STK39: variants seen among roughly 807,000 people sequenced by gnomAD.
STK39 encodes serine/threonine kinase 39.
A neutral mutation model predicts 77.8 loss-of-function variants in STK39; 20 were observed. The ratio of observed to expected loss-of-function variants is 0.26; its 90% CI spans 0.18 to 0.37. The LOEUF (loss-of-function observed/expected upper bound fraction) is 0.37, where lower values mean the gene tolerates loss of function less well. Ranked by LOEUF, STK39 falls within the 10% of genes least tolerant of loss-of-function variation. STK39 has a pLI of 1.00. For synonymous variants in STK39, 246 were observed against 234.1 expected (o/e 1.05, Z -0.47); for missense variants, 479 against 656.5 (o/e 0.73, Z 2.95).
At chr2:168,079,208 AC>A (rs1221021902) in intron 10 of STK39, among the ~76,000 whole-genome samples, 1 of 150,448 alleles carries the variant, frequency 6.6e-6, no homozygotes, top group Non-Finnish European at 1.5e-5. Flanking sequence ...TCTGACCACC[AC>A]CTCTCTCGGC....
At chr2:168,245,288 C>A (rs570372900) in intron 1 of STK39, among the ~76,000 whole-genome samples, 1 of 152,220 alleles carries the variant, frequency 6.6e-6, no homozygotes, top group Non-Finnish European at 1.5e-5. Flanking sequence ...CTCCCTCCTT[C>A]GGGCTCTCCC....
rs112483070 is a variant in STK39, at chr2:167,979,057, C to T, written c.1499-14331G>A. ...AGTAGTATTCCATTGTATGCTATAC[C>T]GGTTTGTTTACATATTCACCTCTTG... On this transcript the variant is annotated intron_variant, in intron 16 of 17. Transcript: ENST00000355999. 3.9e-3 allele frequency among the ~76,000 whole-genome samples: 593 copies of T among 151,980 alleles called. 4 individuals carry two copies. Among genetic ancestry groups the T allele is most frequent in the Middle Eastern group, 6.8e-3 (2 of 294 alleles).
intron 1 of STK39, among the ~76,000 whole-genome samples, chr2:168,215,220 C>T (rs76685595): frequency 0.04 from 6,082 of 152,268 alleles, 252 homozygotes; most frequent in East Asian, 0.2. Flanking sequence ...CCACAAACCA[C>T]TGGCATTACC....
chr2:168,188,191 T>C (rs544826400), intron 1 of STK39, among the ~76,000 whole-genome samples: 6 of 152,314 alleles, frequency 3.9e-5, no homozygotes, highest in African/African-American at 1.4e-4. Flanking sequence ...GCTCTATTTA[T>C]ATCATGTGTC....
At chr2:168,012,066 T>A (rs1684284484) in intron 16 of STK39, among the ~76,000 whole-genome samples, 1 of 152,176 alleles carries the variant, frequency 6.6e-6, no homozygotes, top group Non-Finnish European at 1.5e-5. Context: ...ATCATGGACT[T>A]TTGGGTCTTC....
chr2:168,083,554 T>C lies in STK39; in HGVS notation c.1090-8323A>G, dbSNP rs115385940. 1.1e-3 allele frequency among the ~76,000 whole-genome samples: 165 copies of C among 151,956 alleles called. 1 individual carries two copies. The highest frequency in any genetic ancestry group is 3.8e-3 in the African/African-American group (159 of 41,430). On this transcript the variant is annotated intron_variant, in intron 10 of 17. Transcript: ENST00000355999. ...TTTTTTTTAAAAGACATAAATACTATAAAAAAGATACAAATCATGGGAATC... is the reference window on the plus strand; with the variant it reads ...TTTTTTTTAAAAGACATAAATACTACAAAAAAGATACAAATCATGGGAATC...
At chr2:168,183,569 T>C (rs1689137056) in intron 1 of STK39, among the ~76,000 whole-genome samples, 1 of 152,210 alleles carries the variant, frequency 6.6e-6, no homozygotes, top group Non-Finnish European at 1.5e-5. Context: ...TCCTCACTTG[T>C]TTTGGCCTTG....
chr2:168,019,847 G>A (rs966719093), intron 14 of STK39, among the ~76,000 whole-genome samples: 1 of 152,134 alleles, frequency 6.6e-6, no homozygotes, highest in Non-Finnish European at 1.5e-5. Flanking sequence ...GAGACTACAG[G>A]AGTGTGCTAC....
intron 16 of STK39, among the ~76,000 whole-genome samples, chr2:167,982,765 C>G (rs892091356): frequency 1.3e-5 from 2 of 152,134 alleles, no homozygotes; most frequent in Admixed American, 1.3e-4. Flanking sequence ...AGCACTTTTT[C>G]AGAAGCTGCT....
rs376212042 is a variant in STK39, at chr2:168,237,197, C to A, written c.208+10031G>T. 6.8e-4 allele frequency among the ~76,000 whole-genome samples: 104 copies of A among 152,284 alleles called. 1 individual carries two copies. The South Asian group carries it at 0.02, about 30-fold the overall frequency. On this transcript the variant is annotated intron_variant, in intron 1 of 17. Coordinates refer to ENST00000355999, the MANE Select transcript of STK39 (RefSeq NM_013233.3). The stretch of plus-strand genomic sequence containing the variant: ...GCTGGATTCCTAGGTATTTTATTCT[C>A]TTTGAAGCAATTGTGGATGGAGTTC...
chr2:168,228,737 C>T (rs553189214), intron 1 of STK39, among the ~76,000 whole-genome samples: 2 of 152,114 alleles, frequency 1.3e-5, no homozygotes, highest in East Asian at 1.9e-4. Context: ...TGCAGTGAGC[C>T]GAGATTGCGC....
intron 1 of STK39, among the ~76,000 whole-genome samples, chr2:168,226,723 C>G (rs1490106304): frequency 1.3e-5 from 2 of 151,940 alleles, no homozygotes; most frequent in East Asian, 3.9e-4. Flanking sequence ...ATAACTCCCT[C>G]TTACCTTTAA....
chr2:167,978,946 T>A (rs563594693), intron 16 of STK39, among the ~76,000 whole-genome samples: 80 of 152,350 alleles, frequency 5.3e-4, no homozygotes, highest in Non-Finnish European at 8.5e-4. Context: ...AAATTATTGA[T>A]CATGATTATT....
intron 10 of STK39, 131 bp from the exon 11 acceptor site, chr2:168,075,362 C>G: frequency 4.7e-6 from 6 of 1,278,306 alleles, no homozygotes; most frequent in Non-Finnish European, 6.5e-6. Context: ...CCAGGGATAG[C>G]TAGCGGTTAA....
intron 16 of STK39, among the ~76,000 whole-genome samples, chr2:167,982,625 G>T (rs1214774285): frequency 6.6e-6 from 1 of 152,156 alleles, no homozygotes; most frequent in African/African-American, 2.4e-5. Context: ...CTAGACTGAG[G>T]CTCCTTCACA....
At chr2:168,208,035 G>C (rs1689786749) in intron 1 of STK39, among the ~76,000 whole-genome samples, 1 of 152,190 alleles carries the variant, frequency 6.6e-6, no homozygotes, top group Admixed American at 6.5e-5. Flanking sequence ...TGACTCAGCA[G>C]GCTCCTTCTC....
intron 14 of STK39, among the ~76,000 whole-genome samples, chr2:168,033,690 A>G (rs886127273): frequency 6.6e-6 from 1 of 152,174 alleles, no homozygotes; most frequent in Admixed American, 6.5e-5. Context: ...CTATCCTTTC[A>G]TCAAGAGGAG....
intron 14 of STK39, among the ~76,000 whole-genome samples, chr2:168,039,011 T>C (rs1314940422): frequency 6.6e-6 from 1 of 152,098 alleles, no homozygotes; most frequent in East Asian, 1.9e-4. Context: ...ACCTACCACC[T>C]AACCCAGCCA....
Position 168,242,596 on chromosome 2 carries a change from T to TAA in STK39, c.208+4630_208+4631dup, listed in dbSNP as rs1368207266. Among the ~76,000 whole-genome samples the TAA allele has an allele frequency of 5.2e-5, 5 of 95,818 alleles. 1 individual carries two copies. The highest frequency in any genetic ancestry group is 2.0e-4 in the African/African-American group (5 of 24,622). The allele number at this position is 95,818 out of a possible 152,430, so 62.9% of individuals were successfully genotyped here. On this transcript the variant is annotated intron_variant, in intron 1 of 17. Transcript: ENST00000355999. Reference sequence around the variant, plus strand: ...ATATATATATATATATATATATATATAAAGAGGCCAGGCACAGTGGCTCAC... The same window carrying TAA: ...ATATATATATATATATATATATATATAAAAAGAGGCCAGGCACAGTGGCTCAC...
Sources: allele counts gnomAD v4.1 joint callset (sites outside exome capture counted in the v4.1 genomes callset), GRCh38; gene constraint gnomAD v4.1.1; transcripts MANE v1.5; gene names NCBI Gene and HGNC (gene_info 2026-07-23, HGNC 2026-07-21).